LRP1B: variants seen among roughly 807,000 people sequenced by gnomAD.
LRP1B encodes LDL receptor related protein 1B, also known as low-density lipoprotein receptor-related protein 1B.
LRP1B carries 217 observed loss-of-function variants against 556.6 expected under a neutral mutation model. The ratio of observed to expected loss-of-function variants is 0.39; its 90% confidence interval spans 0.35 to 0.44. The LOEUF is 0.44. Among genes scored for constraint, LRP1B ranks in the 20% least tolerant of loss-of-function variants. The probability of loss-of-function intolerance (pLI) is 1.00; values close to 1 mark genes in which losing one functional copy is unlikely to be tolerated. For synonymous variants in LRP1B, 2,047 were observed against 1,865.8 expected, an observed-to-expected ratio of 1.10 and a Z score of -2.50; for missense variants, 5,053 against 5,620.8, an observed-to-expected ratio of 0.90 and a Z score of 3.23.
At chr2:141,280,596 T>C (rs1164059097) in intron 3 of LRP1B, among the ~76,000 whole-genome samples, 1 of 151,974 alleles carries the variant, frequency 6.6e-6, no homozygotes, top group Non-Finnish European at 1.5e-5. Context: ...TTATTTAGGA[T>C]GCAGAACGCT....
intron 7 of LRP1B, among the ~76,000 whole-genome samples, chr2:141,168,432 A>G (rs763255686): frequency 1.3e-5 from 2 of 152,108 alleles, no homozygotes; most frequent in African/African-American, 4.8e-5. Flanking sequence ...TTAAATAATC[A>G]CACTCAGTCA....
At chr2:140,349,548 G>A (rs187767197) in intron 77 of LRP1B, among the ~76,000 whole-genome samples, 26 of 151,728 alleles carry the variant, frequency 1.7e-4, no homozygotes, top group Admixed American at 1.7e-3. Context: ...TTAGTATATA[G>A]TTAATATACT....
chr2:140,812,223 T>C (rs755245114), intron 32 of LRP1B, among the ~76,000 whole-genome samples: 5 of 152,200 alleles, frequency 3.3e-5, no homozygotes, highest in South Asian at 2.1e-4. Flanking sequence ...CTTTGACATT[T>C]CCATAGAACT....
At position 141,384,039 on chromosome 2, in the gene LRP1B, G is replaced by A. The variant is rs556505076; in HGVS notation, c.343+96357C>T. Among the ~76,000 whole-genome samples the A allele has an allele frequency of 3.9e-5, 6 of 152,208 alleles. No individual in the cohort carries two copies. The East Asian group carries it at 1.2e-3, about 29-fold the overall frequency. ...CACACAAAAAAGCTACCATAACTAT[G>A]GCTATGTTAATTAGTTTGATGTAGT... On this transcript the variant is annotated intron_variant, in intron 3 of 90. Coordinates refer to ENST00000389484, the MANE Select transcript of LRP1B (RefSeq NM_018557.3).
At chr2:140,728,955 T>A (rs901282794) in intron 35 of LRP1B, among the ~76,000 whole-genome samples, 2 of 152,070 alleles carry the variant, frequency 1.3e-5, no homozygotes, top group African/African-American at 4.8e-5. Context: ...AAATATCAAC[T>A]ATCATAAACT....
At chr2:141,931,993 T>C (rs1700521422) in intron 1 of LRP1B, among the ~76,000 whole-genome samples, 1 of 152,040 alleles carries the variant, frequency 6.6e-6, no homozygotes, top group Admixed American at 6.6e-5. Context: ...AAAGTGATCA[T>C]ACCAGCTTTG....
intron 9 of LRP1B, 69 bp downstream of exon 9, chr2:141,058,814 A>G (rs1699256793): frequency 1.5e-6 from 2 of 1,335,104 alleles, no homozygotes; most frequent in African/African-American, 1.5e-5. Flanking sequence ...AACACCATAC[A>G]AAAGCACAAG....
intron 3 of LRP1B, among the ~76,000 whole-genome samples, chr2:141,287,342 A>G (rs1284702087): frequency 7.5e-6 from 1 of 133,608 alleles, no homozygotes; most frequent in African/African-American, 2.9e-5. Context: ...TTTTTTTTTG[A>G]GACAGAGTCT....
At chr2:141,186,376 C>T (rs1330997609) in intron 7 of LRP1B, among the ~76,000 whole-genome samples, 2 of 151,934 alleles carry the variant, frequency 1.3e-5, no homozygotes, top group African/African-American at 2.4e-5. Context: ...TCAAATTATT[C>T]TAGAGCAGGC....
chr2:140,934,114 CT>C (rs1695134253), intron 20 of LRP1B, among the ~76,000 whole-genome samples: 1 of 151,788 alleles, frequency 6.6e-6, no homozygotes, highest in Non-Finnish European at 1.5e-5. Context: ...AGATATTATA[CT>C]TCTCTAAAAT....
chr2:140,957,567 A>G (rs1212384939), intron 18 of LRP1B, among the ~76,000 whole-genome samples: 1 of 151,720 alleles, frequency 6.6e-6, no homozygotes, highest in Non-Finnish European at 1.5e-5. Flanking sequence ...AGGTAAAATA[A>G]CAGCCAAATA....
intron 1 of LRP1B, among the ~76,000 whole-genome samples, chr2:142,113,348 A>G (rs775908263): frequency 2.2e-4 from 33 of 152,114 alleles, no homozygotes; most frequent in Non-Finnish European, 7.4e-5. Flanking sequence ...CTATTATCAG[A>G]AGTTAAACTA....
chr2:141,287,863 C>G (rs1685779684), intron 3 of LRP1B, among the ~76,000 whole-genome samples: 1 of 152,202 alleles, frequency 6.6e-6, no homozygotes, highest in African/African-American at 2.4e-5. Context: ...GAATTAAAAT[C>G]TTAACCTATG....
intron 43 of LRP1B, among the ~76,000 whole-genome samples, chr2:140,575,976 G>T (rs143483928): frequency 6.6e-6 from 1 of 151,850 alleles, no homozygotes; most frequent in East Asian, 1.9e-4. Context: ...GTTCAGCCAA[G>T]CAGGAAGCAG....
At chr2:141,785,699 T>G (rs1574357283) in intron 2 of LRP1B, among the ~76,000 whole-genome samples, 1 of 151,030 alleles carries the variant, frequency 6.6e-6, no homozygotes, top group African/African-American at 2.4e-5. Context: ...GAGCAGAAAT[T>G]ACTTGGCCTT....
chr2:141,552,188 T>C (rs1222866504), intron 2 of LRP1B, among the ~76,000 whole-genome samples: 43 of 152,084 alleles, frequency 2.8e-4, no homozygotes, highest in Non-Finnish European at 4.4e-5. Context: ...AGGAAACTAA[T>C]TAGACTCAAG....
intron 1 of LRP1B, among the ~76,000 whole-genome samples, chr2:141,967,673 T>C (rs978778256): frequency 2.0e-5 from 3 of 151,868 alleles, no homozygotes; most frequent in African/African-American, 4.8e-5. Flanking sequence ...ATAGTATATA[T>C]GTCCTTACTT....
intron 79 of LRP1B, 28 bp downstream of exon 79, chr2:140,334,425 A>G: frequency 7.4e-7 from 1 of 1,350,092 alleles, no homozygotes; most frequent in Non-Finnish European, 1.1e-6. Flanking sequence ...ATTCTGCTTC[A>G]TATTTTAGCG....
intron 47 of LRP1B, among the ~76,000 whole-genome samples, chr2:140,527,257 T>A (rs1203741437): frequency 5.3e-5 from 8 of 151,966 alleles, no homozygotes; most frequent in South Asian, 2.1e-4. Context: ...ATGCTATGTA[T>A]GTTAAATTAA....
Sources: gnomAD v4.1 joint callset for allele counts (sites outside exome capture counted in the v4.1 genomes callset) on GRCh38, gnomAD v4.1.1 for gene constraint, MANE v1.5 for transcripts, NCBI Gene and HGNC (gene_info 2026-07-23, HGNC 2026-07-21) for gene names.